Variants in PTPRD observed in about 807,000 individuals in gnomAD.
PTPRD encodes receptor-type tyrosine-protein phosphatase delta.
Under a neutral mutation model 214.5 loss-of-function variants are expected in PTPRD, and 34 were observed. The ratio of observed to expected loss-of-function variants is 0.16; its 90% CI spans 0.12 to 0.21. The LOEUF is 0.21. Among genes scored for constraint, PTPRD ranks in the 10% least tolerant of loss-of-function variants. The pLI is 1.00. For synonymous variants in PTPRD, 1,128 were observed against 845.7 expected, an observed-to-expected ratio of 1.33 and a Z score of -5.79; for missense variants, 2,545 against 2,398.7, an observed-to-expected ratio of 1.06 and a Z score of -1.27.
intron 11 of PTPRD, among the ~76,000 whole-genome samples, chr9:8,855,059 A>C (rs2097889901): frequency 6.6e-6 from 1 of 152,142 alleles, no homozygotes; most frequent in Non-Finnish European, 1.5e-5. Context: ...CATTGTCTAT[A>C]ACTAGTATCA....
At chr9:10,512,619 T>G (rs2048683860) in intron 2 of PTPRD, among the ~76,000 whole-genome samples, 1 of 152,118 alleles carries the variant, frequency 6.6e-6, no homozygotes, top group Non-Finnish European at 1.5e-5. Flanking sequence ...GTGAGTCAGG[T>G]TTCTATTTTA....
At chr9:8,832,904 G>A (rs1198380808) in intron 11 of PTPRD, among the ~76,000 whole-genome samples, 2 of 151,850 alleles carry the variant, frequency 1.3e-5, no homozygotes, top group Non-Finnish European at 2.9e-5. Flanking sequence ...GAAAACAAAT[G>A]CAACCTTTCA....
chr9:9,548,331 T>C (rs375311181), intron 8 of PTPRD, among the ~76,000 whole-genome samples: 150 of 151,810 alleles, frequency 9.9e-4, no homozygotes, highest in African/African-American at 3.6e-3. Context: ...AATCATTCAA[T>C]TAAAGGGCAA....
At chr9:9,807,433 G>A (rs1281178055) in intron 5 of PTPRD, among the ~76,000 whole-genome samples, 3 of 152,054 alleles carry the variant, frequency 2.0e-5, no homozygotes, top group Non-Finnish European at 4.4e-5. Flanking sequence ...AACAAGATGC[G>A]ATGTTGGCTA....
At chr9:9,974,411 T>A (rs2095275880) in intron 4 of PTPRD, among the ~76,000 whole-genome samples, 1 of 152,200 alleles carries the variant, frequency 6.6e-6, no homozygotes, top group African/African-American at 2.4e-5. Context: ...AGAATAAAAT[T>A]CATTTAACAG....
intron 30 of PTPRD, among the ~76,000 whole-genome samples, chr9:8,473,724 C>T (rs551064413): frequency 1.2e-4 from 19 of 152,098 alleles, no homozygotes; most frequent in African/African-American, 3.9e-4. Context: ...AGCACTCCCC[C>T]ACTATTCATT....
chr9:8,614,610 A>G (rs2095551475), intron 14 of PTPRD, among the ~76,000 whole-genome samples: 1 of 152,166 alleles, frequency 6.6e-6, no homozygotes, highest in Non-Finnish European at 1.5e-5. Context: ...AGCTTCTCAT[A>G]TCTTTGCAAA....
intron 9 of PTPRD, among the ~76,000 whole-genome samples, chr9:9,191,219 C>T (rs183778023): frequency 4.6e-5 from 7 of 152,198 alleles, no homozygotes; most frequent in Non-Finnish European, 7.4e-5. Context: ...TATAGAAGGG[C>T]CCATGTGGCA....
intron 2 of PTPRD, among the ~76,000 whole-genome samples, chr9:10,379,499 A>G (rs1202280354): frequency 1.3e-5 from 2 of 151,962 alleles, no homozygotes; most frequent in Non-Finnish European, 2.9e-5. Context: ...TTTAGGTCAG[A>G]ATTTATTTTT....
intron 2 of PTPRD, among the ~76,000 whole-genome samples, chr9:10,393,846 C>T (rs1236898544): frequency 3.4e-5 from 5 of 148,368 alleles, no homozygotes; most frequent in Non-Finnish European, 7.4e-5. Context: ...AGTAATGCCA[C>T]CTAACCATAG....
chr9:10,323,888 A>G (rs1237429841), intron 3 of PTPRD, among the ~76,000 whole-genome samples: 1 of 152,040 alleles, frequency 6.6e-6, no homozygotes, highest in Non-Finnish European at 1.5e-5. Context: ...TGATTTTAAG[A>G]CAAGCTATTG....
At chr9:10,448,273 A>T (rs1216349172) in intron 2 of PTPRD, among the ~76,000 whole-genome samples, 1 of 151,976 alleles carries the variant, frequency 6.6e-6, no homozygotes, top group African/African-American at 2.4e-5. Context: ...AGAGTTGGTG[A>T]TAGCCTGGCT....
chr9:10,307,018 C>G (rs1357893297), intron 3 of PTPRD, among the ~76,000 whole-genome samples: 1 of 152,024 alleles, frequency 6.6e-6, no homozygotes. Context: ...ATAATCAAGT[C>G]TGGATATTTA....
At chr9:9,312,686 C>T (rs769673333) in intron 9 of PTPRD, among the ~76,000 whole-genome samples, 1 of 152,112 alleles carries the variant, frequency 6.6e-6, no homozygotes, top group Non-Finnish European at 1.5e-5. Flanking sequence ...CCTGAGCTGC[C>T]AAGATAGGCT....
chr9:10,580,332 T>C (rs1421784223), intron 2 of PTPRD, among the ~76,000 whole-genome samples: 1 of 152,182 alleles, frequency 6.6e-6, no homozygotes, highest in African/African-American at 2.4e-5. Context: ...TTCTTTGTCT[T>C]GGGAATGTGA....
At chr9:10,446,623 G>T (rs1356233047) in intron 2 of PTPRD, among the ~76,000 whole-genome samples, 1 of 151,916 alleles carries the variant, frequency 6.6e-6, no homozygotes, top group African/African-American at 2.4e-5. Context: ...TATGATGTAA[G>T]TGTGCCTAAG....
chr9:9,850,572 A>G (rs2060366057), intron 5 of PTPRD, among the ~76,000 whole-genome samples: 1 of 152,020 alleles, frequency 6.6e-6, no homozygotes, highest in South Asian at 2.1e-4. Flanking sequence ...AGACAAATTA[A>G]AATTGTATAT....
chr9:9,641,803 C>A (rs1158549783), intron 7 of PTPRD, among the ~76,000 whole-genome samples: 2 of 152,158 alleles, frequency 1.3e-5, no homozygotes, highest in African/African-American at 2.4e-5. Flanking sequence ...ACTCCCCAAA[C>A]CACCGTGATT....
At chr9:9,854,530 A>T (rs2061170261) in intron 5 of PTPRD, among the ~76,000 whole-genome samples, 1 of 151,794 alleles carries the variant, frequency 6.6e-6, no homozygotes, top group Admixed American at 6.6e-5. Flanking sequence ...AAAAAAAAAG[A>T]TATCTAATCT....
Sources: gnomAD v4.1 joint callset for allele counts (sites outside exome capture counted in the v4.1 genomes callset) on GRCh38, gnomAD v4.1.1 for gene constraint, MANE v1.5 for transcripts, NCBI Gene and HGNC (gene_info 2026-07-23, HGNC 2026-07-21) for gene names.